The following NFIA variants were observed in gnomAD, a reference collection of about 807,000 sequenced individuals.
NFIA encodes nuclear factor I A.
In NFIA, 8 loss-of-function variants were observed where a neutral mutation model predicts 62.8. That is an observed-to-expected ratio of 0.13 (90% CI 0.07 to 0.23). NFIA has a LOEUF of 0.23. NFIA is among the 10% of genes least tolerant of loss of function. NFIA has a pLI of 1.00. For synonymous variants in NFIA, 235 were observed against 238.1 expected, an observed-to-expected ratio of 0.99 and a Z score of 0.12; for missense variants, 410 against 642.1, an observed-to-expected ratio of 0.64 and a Z score of 3.91.
intron 2 of NFIA, among the ~76,000 whole-genome samples, chr1:61,090,195 T>C (rs1646295973): frequency 6.6e-6 from 1 of 152,226 alleles, no homozygotes; most frequent in Admixed American, 6.5e-5. Context: ...AAAAAATGTG[T>C]CTGCATATGT....
chr1:61,286,561 TGTTC>T (rs1658515186), intron 3 of NFIA, among the ~76,000 whole-genome samples: 2 of 152,324 alleles, frequency 1.3e-5, no homozygotes, highest in South Asian at 4.1e-4. Flanking sequence ...AGACACCATT[TGTTC>T]GTTCATTCAT....
intron 2 of NFIA, among the ~76,000 whole-genome samples, chr1:61,110,427 A>T (rs113959562): frequency 5.3e-5 from 8 of 152,118 alleles, no homozygotes; most frequent in African/African-American, 1.4e-4. Flanking sequence ...ATGATTTTTT[A>T]AAAAATATGC....
intron 10 of NFIA, among the ~76,000 whole-genome samples, chr1:61,436,920 C>T (rs1667354143): frequency 2.0e-5 from 3 of 152,208 alleles, no homozygotes; most frequent in Admixed American, 2.0e-4. Context: ...GTCACATGAG[C>T]TTGTGATAAG....
At chr1:61,081,479 C>T (rs2100399527), upstream of NFIA, among the ~76,000 whole-genome samples, 1 of 152,284 alleles carries the variant, frequency 6.6e-6, no homozygotes. Context: ...AGCCTATGTC[C>T]AGTTCTGGGC....
At chr1:61,281,128 A>C (rs1158539079) in intron 3 of NFIA, among the ~76,000 whole-genome samples, 2 of 151,388 alleles carry the variant, frequency 1.3e-5, no homozygotes, top group African/African-American at 2.4e-5. Context: ...TAATACCACT[A>C]CTCGGGAGGC....
intron 2 of NFIA, among the ~76,000 whole-genome samples, chr1:61,135,882 C>G (rs1647175823): frequency 6.6e-6 from 1 of 152,168 alleles, no homozygotes; most frequent in Non-Finnish European, 1.5e-5. Context: ...ATCCATAGAG[C>G]ACGCATTTTA....
intron 4 of NFIA, among the ~76,000 whole-genome samples, chr1:61,341,921 C>G (rs1018997430): frequency 1.3e-5 from 2 of 152,048 alleles, no homozygotes. Flanking sequence ...CCTATATTAC[C>G]CTGCAGTAGG....
Position 61,149,845 on chromosome 1 carries a change from GT to G in NFIA, c.559+61169del, listed in dbSNP as rs147248620. On this transcript the variant is annotated intron_variant, in intron 2 of 10. Transcript: ENST00000403491. ...ATTAGATCTTCAGTAAATGGTAGTTGTTTTGACCACTGTTACTGCAATGAGC... is the reference window on the plus strand; with the variant it reads ...ATTAGATCTTCAGTAAATGGTAGTTGTTTGACCACTGTTACTGCAATGAGC... Among the ~76,000 whole-genome samples the G allele has an allele frequency of 4.4e-3, 665 of 152,244 alleles. 11 individuals are homozygous for G. The highest frequency in any genetic ancestry group is 8.4e-3 in the Non-Finnish European group (571 of 68,028).
At chr1:61,370,524 A>G (rs1259474792) in intron 6 of NFIA, among the ~76,000 whole-genome samples, 2 of 152,236 alleles carry the variant, frequency 1.3e-5, no homozygotes, top group African/African-American at 2.4e-5. Context: ...GGCAAAGCTC[A>G]TTAAATATTA....
chr1:61,250,535 A>G lies in NFIA; in HGVS notation c.560-26985A>G, dbSNP rs139994312. On this transcript the variant is annotated intron_variant, in intron 2 of 10. Coordinates refer to ENST00000403491, the MANE Select transcript of NFIA (RefSeq NM_001134673.4). Reference sequence around the variant, plus strand: ...AATATAATTTCTGTATGATTGGCCAAATTTTTCACTTTTAATTAAGATGAC... The same window carrying G: ...AATATAATTTCTGTATGATTGGCCAGATTTTTCACTTTTAATTAAGATGAC... Among the ~76,000 whole-genome samples, 762 of 152,286 alleles carry G rather than the reference A, an allele frequency of 5.0e-3. 7 individuals carry two copies. The highest frequency in any genetic ancestry group is 0.021 in the South Asian group (100 of 4,828).
chr1:61,344,779 G>A (rs1029060478), intron 4 of NFIA, among the ~76,000 whole-genome samples: 4 of 152,150 alleles, frequency 2.6e-5, no homozygotes, highest in Admixed American at 1.3e-4. Context: ...GCTGACTTCC[G>A]TTGAACAAGT....
intron 2 of NFIA, among the ~76,000 whole-genome samples, chr1:61,194,242 A>G (rs1247311610): frequency 6.6e-6 from 1 of 152,174 alleles, no homozygotes; most frequent in South Asian, 2.1e-4. Flanking sequence ...CTGGGGAGAT[A>G]AGTTAGGGAA....
intron 10 of NFIA, among the ~76,000 whole-genome samples, chr1:61,452,675 A>T (rs1045552592): frequency 6.6e-6 from 1 of 152,198 alleles, no homozygotes; most frequent in Admixed American, 6.5e-5. Flanking sequence ...AGGAAAAAAA[A>T]GTTTGAAAGC....
At chr1:61,097,690 T>C (rs1299076751) in intron 2 of NFIA, among the ~76,000 whole-genome samples, 1 of 152,172 alleles carries the variant, frequency 6.6e-6, no homozygotes, top group Non-Finnish European at 1.5e-5. Flanking sequence ...TTCAGAACCA[T>C]CTCTTTTGCA....
At chr1:61,247,551 T>C (rs548930973) in intron 2 of NFIA, among the ~76,000 whole-genome samples, 6 of 152,170 alleles carry the variant, frequency 3.9e-5, no homozygotes, top group African/African-American at 7.2e-5. Flanking sequence ...GCACGGTCCA[T>C]TGGGGGTGTG....
intron 6 of NFIA, among the ~76,000 whole-genome samples, chr1:61,366,398 TCTC>T (rs1328726698): frequency 6.6e-6 from 1 of 152,202 alleles, no homozygotes; most frequent in Non-Finnish European, 1.5e-5. Context: ...ACTTAAATTT[TCTC>T]CTGTAGAAAA....
chr1:61,326,296 A>G (rs1052481853), intron 3 of NFIA, among the ~76,000 whole-genome samples: 15 of 152,212 alleles, frequency 9.9e-5, no homozygotes, highest in African/African-American at 2.4e-4. Flanking sequence ...GCCTGAATCA[A>G]TCTGACCAGA....
At chr1:61,263,039 G>C (rs1490195990) in intron 2 of NFIA, among the ~76,000 whole-genome samples, 1 of 152,130 alleles carries the variant, frequency 6.6e-6, no homozygotes, top group Non-Finnish European at 1.5e-5. Context: ...CATCTCATTT[G>C]AAGAGTTGCT....
At chr1:61,102,034 T>TA (rs1267185892) in intron 2 of NFIA, among the ~76,000 whole-genome samples, 3 of 152,242 alleles carry the variant, frequency 2.0e-5, no homozygotes, top group Non-Finnish European at 2.9e-5. Context: ...CTCCATTCAT[T>TA]AATACGTGTG....
Sources: gnomAD v4.1 joint callset for allele counts (sites outside exome capture counted in the v4.1 genomes callset) on GRCh38, gnomAD v4.1.1 for gene constraint, MANE v1.5 for transcripts, NCBI Gene and HGNC (gene_info 2026-07-23, HGNC 2026-07-21) for gene names.